ASIC2: variants seen among roughly 807,000 people sequenced by gnomAD.
The protein encoded by ASIC2 is acid-sensing ion channel 2.
A neutral mutation model predicts 57.3 loss-of-function variants in ASIC2; 25 were observed. The observed-to-expected ratio is 0.44, with a 90% CI of 0.32 to 0.61. The LOEUF is 0.61. Among genes scored for constraint, ASIC2 ranks in the 20% least tolerant of loss-of-function variants. The pLI is 0.06. For missense variants in ASIC2, 641 were observed against 738.1 expected (o/e 0.87, Z 1.52); for synonymous variants, 319 against 307.5 (o/e 1.04, Z -0.39).
At chr17:33,998,942 A>G (rs1597967835) in intron 1 of ASIC2, among the ~76,000 whole-genome samples, 1 of 152,052 alleles carries the variant, frequency 6.6e-6, no homozygotes, top group East Asian at 1.9e-4. Flanking sequence ...TTCATGATCT[A>G]TCCATTTTTG....
chr17:33,431,419 C>T (rs758904225), intron 1 of ASIC2, among the ~76,000 whole-genome samples: 2 of 152,044 alleles, frequency 1.3e-5, no homozygotes, highest in Non-Finnish European at 1.5e-5. Context: ...ACAGCCTGGC[C>T]ATGATGAAAC....
At chr17:33,500,432 T>C (rs1227916203) in intron 1 of ASIC2, among the ~76,000 whole-genome samples, 1 of 152,228 alleles carries the variant, frequency 6.6e-6, no homozygotes, top group African/African-American at 2.4e-5. Context: ...GCCCATGGAA[T>C]GGCTCCTCCT....
chr17:33,105,260 G>A (rs1306547419), intron 2 of ASIC2, among the ~76,000 whole-genome samples: 4 of 152,182 alleles, frequency 2.6e-5, no homozygotes, highest in Non-Finnish European at 5.9e-5. Flanking sequence ...GAATCATGGG[G>A]GTAGGTTTTA....
intron 1 of ASIC2, among the ~76,000 whole-genome samples, chr17:33,706,355 G>T (rs1364284839): frequency 6.6e-6 from 1 of 151,648 alleles, no homozygotes; most frequent in East Asian, 1.9e-4. Context: ...CAGTAGCTGG[G>T]ACTGCAGGTA....
At chr17:34,074,381 T>C (rs957595101) in intron 1 of ASIC2, among the ~76,000 whole-genome samples, 5 of 152,192 alleles carry the variant, frequency 3.3e-5, no homozygotes, top group African/African-American at 7.2e-5. Flanking sequence ...GGCTCTGACA[T>C]GTTAAGAAAT....
chr17:33,662,907 AG>A (rs2049527769), intron 1 of ASIC2, among the ~76,000 whole-genome samples: 1 of 152,186 alleles, frequency 6.6e-6, no homozygotes, highest in South Asian at 2.1e-4. Context: ...ATAAAGTTAA[AG>A]AAATCCAATA....
intron 1 of ASIC2, among the ~76,000 whole-genome samples, chr17:33,579,106 G>A (rs1272591625): frequency 1.6e-5 from 2 of 126,248 alleles, no homozygotes; most frequent in Non-Finnish European, 3.2e-5. Flanking sequence ...CCAACATGGT[G>A]AAACCCCGTC....
intron 1 of ASIC2, among the ~76,000 whole-genome samples, chr17:33,838,440 T>C (rs2027196): frequency 0.16 from 24,206 of 152,108 alleles, 2,366 homozygotes; most frequent in South Asian, 0.25. Context: ...AGTCATTCAG[T>C]ACAATCCTTA....
intron 1 of ASIC2, among the ~76,000 whole-genome samples, chr17:33,329,665 A>G (rs1422163410): frequency 2.0e-5 from 3 of 152,184 alleles, no homozygotes; most frequent in Non-Finnish European, 4.4e-5. Flanking sequence ...AACTTGGATC[A>G]AGTTCAAGCC....
intron 1 of ASIC2, among the ~76,000 whole-genome samples, chr17:34,134,503 T>C (rs1912075415): frequency 6.6e-6 from 1 of 151,534 alleles, no homozygotes. Flanking sequence ...AAGGAGAGAA[T>C]GGAAGGAAGA....
intron 1 of ASIC2, among the ~76,000 whole-genome samples, chr17:33,435,367 A>C (rs62068468): frequency 0.19 from 29,148 of 152,198 alleles, 3,261 homozygotes; most frequent in Non-Finnish European, 0.25. Context: ...ATCACCAAAA[A>C]CCACCATAAT....
Position 33,291,903 on chromosome 17 carries a change from G to A in ASIC2, c.213C>T (p.His71=), listed in dbSNP as rs751872463. The change falls in exon 1 of 10, where the codon CAC becomes CAT. Residue 71 remains histidine (H), a synonymous_variant. Transcript: ENST00000225823. ...LSRAKLHGLR[H]MCAGRTAAGG... is the part of the protein sequence containing the mutation. ...CAGCCGCCGTGCGCCCGGCACACAT[G>A]TGCCGCAGCCCGTGCAGTTTAGCGC... is the stretch of plus-strand genomic sequence containing the variant. 5 of 1,598,492 alleles carry A rather than the reference G, an allele frequency of 3.1e-6. No homozygotes were observed. The African/African-American group carries it at 4.0e-5, about 13-fold the overall frequency.
intron 1 of ASIC2, among the ~76,000 whole-genome samples, chr17:33,760,603 A>C (rs2142111980): frequency 6.8e-6 from 1 of 146,628 alleles, no homozygotes; most frequent in African/African-American, 2.5e-5. Flanking sequence ...GATATATGCA[A>C]GATATATATA....
rs916241573 is a variant in ASIC2 at position 33,755,715 on chromosome 17, A to G, written c.555+400263T>C. On this transcript the variant is annotated intron_variant, in intron 1 of 9. Coordinates refer to the ASIC2 transcript ENST00000359872. The stretch of plus-strand genomic sequence containing the variant: ...AGGAGAACAGGGAGGCAGTCATGTA[A>G]TGAAGAAATACTAGATCTAACGTGA... 2.6e-5 allele frequency among the ~76,000 whole-genome samples: 4 copies of G among 152,224 alleles called. No homozygotes were observed. The East Asian group carries it at 7.7e-4, about 29-fold the overall frequency.
At chr17:33,624,965 G>C (rs569305253) in intron 1 of ASIC2, among the ~76,000 whole-genome samples, 1 of 152,206 alleles carries the variant, frequency 6.6e-6, no homozygotes, top group Non-Finnish European at 1.5e-5. Flanking sequence ...GAAAAGGCAC[G>C]ATAGCCAGCA....
At chr17:33,951,423 T>G (rs1159743997) in intron 1 of ASIC2, among the ~76,000 whole-genome samples, 1 of 152,172 alleles carries the variant, frequency 6.6e-6, no homozygotes, top group African/African-American at 2.4e-5. Flanking sequence ...TGCCTTCCTG[T>G]GCTGTATTAC....
At chr17:33,563,753 T>G (rs907128581) in intron 1 of ASIC2, among the ~76,000 whole-genome samples, 1 of 152,144 alleles carries the variant, frequency 6.6e-6, no homozygotes, top group Non-Finnish European at 1.5e-5. Flanking sequence ...TAGCTTTTAA[T>G]ATGGCGAATC....
At chr17:33,455,361 A>C (rs1207529419) in intron 1 of ASIC2, among the ~76,000 whole-genome samples, 5 of 152,152 alleles carry the variant, frequency 3.3e-5, no homozygotes, top group African/African-American at 1.2e-4. Context: ...TCCCTCCAGT[A>C]GTCCCGTGTC....
At chr17:33,698,986 T>C (rs186663081) in intron 1 of ASIC2, among the ~76,000 whole-genome samples, 7 of 152,260 alleles carry the variant, frequency 4.6e-5, no homozygotes, top group Admixed American at 2.6e-4. Context: ...TGTCTCCTCA[T>C]TGGGAGACTT....
Sources: gnomAD v4.1 joint callset for allele counts (sites outside exome capture counted in the v4.1 genomes callset) on GRCh38, gnomAD v4.1.1 for gene constraint, MANE v1.5 for transcripts, NCBI Gene and HGNC (gene_info 2026-07-23, HGNC 2026-07-21) for gene names.